HUWE1: variants seen among roughly 807,000 people sequenced by gnomAD.
HUWE1 encodes the protein HECT, UBA and WWE domain containing E3 ubiquitin protein ligase 1, also known as E3 ubiquitin-protein ligase HUWE1.
A neutral mutation model predicts 299.4 loss-of-function variants in HUWE1; 18 were observed. The observed-to-expected ratio is 0.06, with a 90% confidence interval of 0.04 to 0.09. HUWE1 has a LOEUF of 0.09. Among genes scored for constraint, HUWE1 ranks in the 10% least tolerant of loss-of-function variants. The probability of loss-of-function intolerance (pLI) is 1.00; values close to 1 mark genes in which losing one functional copy is unlikely to be tolerated. For synonymous variants in HUWE1, 1,317 were observed against 1,286.1 expected, an observed-to-expected ratio of 1.02 and a Z score of -0.51; for missense variants, 1,832 against 3,462.3, an observed-to-expected ratio of 0.53 and a Z score of 11.82.
At position 53,585,692 on chromosome X, in the gene HUWE1, T is replaced by G. The variant is rs1476204502; in HGVS notation, c.4825-504A>C. Among the ~76,000 whole-genome samples, 3 of 111,695 alleles carry G rather than the reference T, an allele frequency of 2.7e-5. No homozygotes were observed. The Admixed American group carries it at 2.8e-4, about 11-fold the overall frequency. ...AACTTGTACAGTTTATATTAAATATTTTTTTTGGAGACAGGGTCTGACTCT... is the reference window on the plus strand; with the variant it reads ...AACTTGTACAGTTTATATTAAATATGTTTTTTGGAGACAGGGTCTGACTCT... On this transcript the variant is annotated intron_variant, in intron 39 of 83. Coordinates refer to ENST00000262854, the MANE Select transcript of HUWE1 (RefSeq NM_031407.7).
chrX:53,599,556 C>T (rs782027967), intron 29 of HUWE1, among the ~76,000 whole-genome samples: 1 of 111,991 alleles, frequency 8.9e-6, no homozygotes, highest in Non-Finnish European at 1.9e-5. Flanking sequence ...TTGTATGCTG[C>T]CAATACAGTC....
intron 43 of HUWE1, chrX:53,579,983 AC>A (rs1178461020): frequency 9.0e-6 from 1 of 111,175 alleles, no homozygotes; most frequent in Non-Finnish European, 1.9e-5. Context: ...AAATAAAAAA[AC>A]AAATCCAACA....
At chrX:53,569,440 T>G (rs868993706) in intron 48 of HUWE1, among the ~76,000 whole-genome samples, 176 bp downstream of exon 48, 4 of 113,096 alleles carry the variant, frequency 3.5e-5, no homozygotes, top group Non-Finnish European at 5.6e-5. Flanking sequence ...CCACTTACTC[T>G]AATGGTAATC....
At chrX:53,631,694 G>A (rs2066887290) in intron 9 of HUWE1, 80 bp from the exon 10 acceptor site, 1 of 710,088 alleles carries the variant, frequency 1.4e-6, no homozygotes, top group African/African-American at 2.1e-5. Flanking sequence ...CCAAAGGGCT[G>A]TCTGAAAACC....
chrX:53,579,777 C>T (rs2063515471), intron 43 of HUWE1: 1 of 99,544 alleles, frequency 1.0e-5, no homozygotes, highest in Admixed American at 1.1e-4. Flanking sequence ...ATCACCACTC[C>T]CTAATCTCAA....
chrX:53,612,081 A>G (rs988919173), intron 23 of HUWE1, among the ~76,000 whole-genome samples: 8 of 111,445 alleles, frequency 7.2e-5, no homozygotes, highest in Admixed American at 2.8e-4. Flanking sequence ...CAATTCCCCT[A>G]TAACAATTGC....
At chrX:53,564,133 A>C (rs2062422890) in intron 51 of HUWE1, among the ~76,000 whole-genome samples, 1 of 111,911 alleles carries the variant, frequency 8.9e-6, no homozygotes, top group South Asian at 3.7e-4. Context: ...TTCTTACCCA[A>C]TGCTACCAGC....
chrX:53,533,348 C>T lies in HUWE1; in HGVS notation c.13086G>A (p.Leu4362=). ...SFEKLRHMLL[L]AIQECSEGFG... is the part of the protein sequence containing the mutation. ...AGCCTTCAGAGCACTCCTGGATAGC[C>T]AACAGTAGCATGTGGCGGAGCTTCT... Residue 4362 remains leucine, a synonymous_variant, in exon 84 of 84, where the codon TTG becomes TTA. Transcript: ENST00000262854. 2 of 1,208,872 alleles carry T rather than the reference C, an allele frequency of 1.7e-6. No individual in the cohort carries two copies. Among genetic ancestry groups the T allele is most frequent in the Non-Finnish European group, 1.1e-6 (1 of 893,531 alleles).
chrX:53,650,973 T>C (rs782806352), intron 4 of HUWE1, among the ~76,000 whole-genome samples: 1 of 111,744 alleles, frequency 8.9e-6, no homozygotes. Flanking sequence ...TTTCTCCAAT[T>C]ACCCGCTAAG....
At chrX:53,600,049 C>G (rs782170822) in intron 29 of HUWE1, 69 bp downstream of exon 29, 15 of 990,406 alleles carry the variant, frequency 1.5e-5, no homozygotes, top group Non-Finnish European at 2.0e-5. Flanking sequence ...CATAGCCTTT[C>G]CAACTCAATC....
At chrX:53,546,979 C>T (rs782081080) in intron 68 of HUWE1, among the ~76,000 whole-genome samples, 154 bp from the exon 69 acceptor site, 2 of 112,188 alleles carry the variant, frequency 1.8e-5, no homozygotes, top group South Asian at 7.4e-4. Flanking sequence ...ATCTAAATGA[C>T]TTGGGATGAT....
At chrX:53,600,748 G>A (rs1256626446) in intron 28 of HUWE1, among the ~76,000 whole-genome samples, 2 of 112,760 alleles carry the variant, frequency 1.8e-5, no homozygotes, top group East Asian at 5.5e-4. Context: ...AATGTGACAT[G>A]TGTCTTTTTC....
At chrX:53,567,096 C>T (rs782122342) in intron 49 of HUWE1, among the ~76,000 whole-genome samples, 6 of 111,557 alleles carry the variant, frequency 5.4e-5, no homozygotes, top group Non-Finnish European at 1.1e-4. Flanking sequence ...GACAATGGAA[C>T]TGTACCCATA....
intron 82 of HUWE1, 59 bp from the exon 83 acceptor site, chrX:53,534,256 G>T: frequency 2.0e-6 from 2 of 1,023,599 alleles, no homozygotes; most frequent in South Asian, 3.8e-5. Flanking sequence ...AGCAGGGTGG[G>T]GGGGATGGAA....
At chrX:53,560,804 G>C (rs958936839) in intron 55 of HUWE1, among the ~76,000 whole-genome samples, 1 of 111,629 alleles carries the variant, frequency 9.0e-6, no homozygotes, top group Non-Finnish European at 1.9e-5. Flanking sequence ...GATTGGGTTA[G>C]GTAACTCTTT....
chrX:53,537,706 T>C lies in HUWE1; in HGVS notation c.11997-10A>G, dbSNP rs782566337. On this transcript the variant is annotated splice_polypyrimidine_tract_variant and intron_variant, in intron 77 of 83. Transcript: ENST00000262854. ...CTCTTGGCGGAAATATCTTGGGAGG[T>C]AGAAAAGGAAGGAAGATAGGATTAA... The C allele has an allele frequency of 1.5e-5, 18 of 1,202,828 alleles. No homozygotes were observed. Among genetic ancestry groups the C allele is most frequent in the South Asian group, 1.1e-4 (6 of 55,468 alleles).
intron 80 of HUWE1, 117 bp downstream of exon 80, chrX:53,536,030 A>C: frequency 1.9e-6 from 1 of 521,573 alleles, no homozygotes; most frequent in South Asian, 2.5e-5. Context: ...AGCTTTAAGA[A>C]GTCAAGATGC....
At chrX:53,552,492 T>C (rs1556930073) in intron 62 of HUWE1, 51 bp from the exon 63 acceptor site, 5 of 1,206,829 alleles carry the variant, frequency 4.1e-6, no homozygotes, top group Middle Eastern at 2.3e-4. Flanking sequence ...TTCTCGTTTA[T>C]AAAACACTGC....
rs1386802261 is a variant in HUWE1, at chrX:53,532,203, A to T, written c.*1106T>A. On this transcript the variant is annotated 3_prime_UTR_variant, in exon 84 of 84. Coordinates refer to ENST00000262854, the MANE Select transcript of HUWE1 (RefSeq NM_031407.7). Reference sequence around the variant, plus strand: ...TTAAGCACTGGATGGAGTAAAAACCACAAGGGACTACAAGGTGATCTGTGA... The same window carrying T: ...TTAAGCACTGGATGGAGTAAAAACCTCAAGGGACTACAAGGTGATCTGTGA... The T allele has an allele frequency of 1.8e-5, 2 of 111,936 alleles. No homozygotes were observed. Among genetic ancestry groups the T allele is most frequent in the African/African-American group, 6.5e-5 (2 of 30,763 alleles). The allele number at this position is 111,936 out of a possible 1,213,427, so 9.2% of individuals were successfully genotyped here. A position where few individuals can be genotyped will look rare whatever the true frequency, so the allele number is the denominator to read the frequency against.
Sources: allele counts gnomAD v4.1 joint callset (sites outside exome capture counted in the v4.1 genomes callset), GRCh38; gene constraint gnomAD v4.1.1; transcripts MANE v1.5; gene names NCBI Gene and HGNC (gene_info 2026-07-23, HGNC 2026-07-21).